The following DSCAM variants were observed in gnomAD, a reference collection of about 807,000 sequenced individuals.
DSCAM encodes the protein cell adhesion molecule DSCAM.
Under a neutral mutation model 217.7 loss-of-function variants are expected in DSCAM, and 47 were observed. That is an observed-to-expected ratio of 0.22 (90% CI 0.17 to 0.28). The LOEUF (loss-of-function observed/expected upper bound fraction) is 0.28. Ranked by LOEUF, DSCAM falls within the 10% of genes least tolerant of loss-of-function variation. The probability of loss-of-function intolerance (pLI) is 1.00; values close to 1 mark genes in which losing one functional copy is unlikely to be tolerated. For missense variants in DSCAM, 2,080 were observed against 2,618.3 expected (o/e 0.79, Z 4.49); for synonymous variants, 1,056 against 1,015.3 (o/e 1.04, Z -0.76).
intron 3 of DSCAM, among the ~76,000 whole-genome samples, chr21:40,455,984 T>C (rs1480063828): frequency 1.3e-5 from 2 of 152,042 alleles, no homozygotes; most frequent in South Asian, 4.1e-4. Flanking sequence ...ATATACCTAA[T>C]GCTAAATGAC....
At chr21:40,069,142 GT>G (rs1251850027) in intron 27 of DSCAM, among the ~76,000 whole-genome samples, 1 of 152,086 alleles carries the variant, frequency 6.6e-6, no homozygotes, top group Non-Finnish European at 1.5e-5. Context: ...ATAATGGGCA[GT>G]TCATACTCAA....
chr21:40,172,753 T>C (rs1194640806), intron 15 of DSCAM, among the ~76,000 whole-genome samples: 1 of 152,234 alleles, frequency 6.6e-6, no homozygotes, highest in Non-Finnish European at 1.5e-5. Context: ...ATTTGCCTTC[T>C]ATGTGCCAGG....
intron 3 of DSCAM, among the ~76,000 whole-genome samples, chr21:40,634,737 T>A (rs992874843): frequency 6.6e-6 from 1 of 152,232 alleles, no homozygotes; most frequent in Non-Finnish European, 1.5e-5. Context: ...TACAAGGTTG[T>A]CTTCAGCACA....
At chr21:40,036,569 C>T (rs1250720901) in intron 32 of DSCAM, among the ~76,000 whole-genome samples, 1 of 147,678 alleles carries the variant, frequency 6.8e-6, no homozygotes, top group Non-Finnish European at 1.5e-5. Flanking sequence ...GGATTCACAG[C>T]CGAATTCTAC....
chr21:40,679,529 T>C (rs539029583), intron 3 of DSCAM, among the ~76,000 whole-genome samples: 85 of 152,350 alleles, frequency 5.6e-4, no homozygotes, highest in Non-Finnish European at 9.6e-4. Context: ...GAGAAGTTTT[T>C]AGGTATAACC....
intron 3 of DSCAM, among the ~76,000 whole-genome samples, chr21:40,424,825 C>T (rs563779077): frequency 6.6e-6 from 1 of 152,182 alleles, no homozygotes; most frequent in East Asian, 1.9e-4. Flanking sequence ...CACAACAGGC[C>T]AGTCGCACAT....
intron 28 of DSCAM, among the ~76,000 whole-genome samples, chr21:40,056,361 C>T (rs970684618): frequency 6.6e-6 from 1 of 152,006 alleles, no homozygotes; most frequent in Non-Finnish European, 1.5e-5. Flanking sequence ...TGTTAGCTTC[C>T]CTGACGTTAG....
chr21:40,702,258 T>C (rs1601145001), intron 2 of DSCAM, among the ~76,000 whole-genome samples: 1 of 152,172 alleles, frequency 6.6e-6, no homozygotes, highest in Non-Finnish European at 1.5e-5. Context: ...ATACCTGCCA[T>C]TATGCATACA....
intron 28 of DSCAM, among the ~76,000 whole-genome samples, 155 bp downstream of exon 28, chr21:40,062,714 G>A (rs1336678321): frequency 6.6e-6 from 1 of 152,094 alleles, no homozygotes; most frequent in Non-Finnish European, 1.5e-5. Context: ...GCATTACATG[G>A]ATATTTTGGA....
chr21:40,283,039 T>C (rs2073783798), intron 10 of DSCAM, among the ~76,000 whole-genome samples: 1 of 152,210 alleles, frequency 6.6e-6, no homozygotes, highest in Non-Finnish European at 1.5e-5. Flanking sequence ...GGTTACTAAA[T>C]GGAATAATAG....
intron 32 of DSCAM, among the ~76,000 whole-genome samples, chr21:40,025,153 GTTTATATGCTGGATTACAT>G (rs2088353055): frequency 8.7e-6 from 1 of 115,368 alleles, no homozygotes; most frequent in African/African-American, 3.2e-5. Flanking sequence ...CTTTGGCTCT[GTTTATATGCTGGATTACAT>G]TTATTGATTT....
At chr21:40,237,646 G>A (rs1359813540) in intron 11 of DSCAM, among the ~76,000 whole-genome samples, 2 of 152,142 alleles carry the variant, frequency 1.3e-5, no homozygotes, top group African/African-American at 4.8e-5. Context: ...CCAAGTCTTT[G>A]CTATTGTGAA....
In DSCAM at chr21:40,482,417, T is replaced by C. The variant is rs1246322425; in HGVS notation, c.509-113172A>G. On this transcript the variant is annotated intron_variant, in intron 3 of 32. Coordinates refer to ENST00000400454, the MANE Select transcript of DSCAM (RefSeq NM_001389.5). Reference sequence around the variant, plus strand: ...TTTGTCATCTGTAGATATTTCACACTGTTCTTTGCTCTCTGCCCCTTCTAG... The same window carrying C: ...TTTGTCATCTGTAGATATTTCACACCGTTCTTTGCTCTCTGCCCCTTCTAG... Among the ~76,000 whole-genome samples, 3 of 152,248 alleles carry C rather than the reference T, an allele frequency of 2.0e-5. No individual in the cohort carries two copies. In the East Asian group the frequency reaches 5.8e-4, roughly 29 times the overall value.
At chr21:40,388,148 G>GAC (rs397867606) in intron 3 of DSCAM, among the ~76,000 whole-genome samples, 10 of 152,066 alleles carry the variant, frequency 6.6e-5, no homozygotes, top group African/African-American at 2.4e-4. Flanking sequence ...AGAACCGACA[G>GAC]TTTGCCAATA....
intron 11 of DSCAM, among the ~76,000 whole-genome samples, chr21:40,231,705 G>A (rs967650099): frequency 4.6e-5 from 7 of 151,932 alleles, no homozygotes; most frequent in African/African-American, 1.7e-4. Context: ...GTCTTGTCAT[G>A]TTTCCCAGGC....
intron 28 of DSCAM, among the ~76,000 whole-genome samples, chr21:40,059,579 A>T (rs947524738): frequency 6.6e-6 from 1 of 152,352 alleles, no homozygotes; most frequent in East Asian, 1.9e-4. Context: ...CCCTCAGCTA[A>T]TCTCCCTGAA....
At chr21:40,641,633 G>T (rs912725180) in intron 3 of DSCAM, among the ~76,000 whole-genome samples, 14 of 152,132 alleles carry the variant, frequency 9.2e-5, no homozygotes, top group African/African-American at 2.9e-4. Flanking sequence ...ATCTAGAAGA[G>T]AAGTTCTAGA....
In DSCAM at chr21:40,018,494, G is replaced by A. The variant is rs562765784; in HGVS notation, c.5687-5108C>T. Among the ~76,000 whole-genome samples, 73 of 152,162 alleles carry A rather than the reference G, an allele frequency of 4.8e-4. 1 individual carries two copies. The highest frequency in any genetic ancestry group is 6.8e-3 in the Middle Eastern group (2 of 294). ...TCTTTCTGAGACCCGACTCAATCAC[G>A]AACGCTTGACATATTTGTAATGTGT... On this transcript the variant is annotated intron_variant, in intron 32 of 32. Transcript: ENST00000400454.
intron 10 of DSCAM, among the ~76,000 whole-genome samples, chr21:40,291,684 C>T (rs1263002736): frequency 6.6e-6 from 1 of 152,278 alleles, no homozygotes; most frequent in African/African-American, 2.4e-5. Flanking sequence ...GTCTTTAAGT[C>T]TTTCCTCAGA....
Sources: gnomAD v4.1 joint callset for allele counts (sites outside exome capture counted in the v4.1 genomes callset) on GRCh38, gnomAD v4.1.1 for gene constraint, MANE v1.5 for transcripts, NCBI Gene and HGNC (gene_info 2026-07-23, HGNC 2026-07-21) for gene names.